The following ANO4 variants were observed in gnomAD, a reference collection of about 807,000 sequenced individuals.
ANO4 encodes the protein anoctamin 4, also known as anoctamin-4.
Under a neutral mutation model 141.9 loss-of-function variants are expected in ANO4, and 69 were observed. The observed-to-expected ratio is 0.49, with a 90% CI of 0.40 to 0.59. The LOEUF (loss-of-function observed/expected upper bound fraction) is 0.59, where lower values mean the gene tolerates loss of function less well. Among genes scored for constraint, ANO4 ranks in the 20% least tolerant of loss-of-function variants. ANO4 has a pLI of 0.00. For synonymous variants in ANO4, 350 were observed against 394.3 expected, an observed-to-expected ratio of 0.89 and a Z score of 1.33; for missense variants, 894 against 1,162.2, an observed-to-expected ratio of 0.77 and a Z score of 3.36.
intron 8 of ANO4, among the ~76,000 whole-genome samples, chr12:100,988,544 TA>T (rs72390438): frequency 0.034 from 4,492 of 133,482 alleles, 166 homozygotes; most frequent in African/African-American, 0.1. Context: ...GTGATGGATT[TA>T]AAAAAAAAAA....
intron 9 of ANO4, among the ~76,000 whole-genome samples, chr12:101,021,321 G>A (rs781071531): frequency 5.3e-5 from 8 of 152,164 alleles, no homozygotes; most frequent in Non-Finnish European, 8.8e-5. Context: ...CAGCCACCAC[G>A]CACTGCAGGA....
At chr12:100,894,438 C>A (rs2040243610) in intron 1 of ANO4, among the ~76,000 whole-genome samples, 1 of 151,992 alleles carries the variant, frequency 6.6e-6, no homozygotes, top group Non-Finnish European at 1.5e-5. Context: ...AGAAATGCAC[C>A]TACTTTCAGT....
At chr12:101,011,094 C>T (rs1013681584) in intron 8 of ANO4, among the ~76,000 whole-genome samples, 6 of 152,102 alleles carry the variant, frequency 3.9e-5, no homozygotes, top group African/African-American at 9.7e-5. Context: ...CAAAGAGGCT[C>T]GTTTGGGCTT....
chr12:100,767,999 A>G (rs1430110426), intron 3 of ANO4, among the ~76,000 whole-genome samples: 2 of 151,280 alleles, frequency 1.3e-5, no homozygotes, highest in East Asian at 3.9e-4. Context: ...TTCATCAGTC[A>G]GCCTGTCTCT....
intron 13 of ANO4, among the ~76,000 whole-genome samples, chr12:101,045,773 G>T (rs12296227): frequency 0.29 from 43,346 of 152,074 alleles, 6,578 homozygotes; most frequent in East Asian, 0.52. Flanking sequence ...GACCCCGGTG[G>T]CCCTGCCCAC....
Position 100,974,901 on chromosome 12 carries a change from G to A in ANO4, c.602+12G>A, listed in dbSNP as rs572208504. The A allele has an allele frequency of 4.7e-5, 76 of 1,613,710 alleles. No homozygotes were observed. In the East Asian group the frequency reaches 1.2e-3, roughly 27 times the overall value. ...AAGTTCATGAGCAGGTTAGTAGCAC[G>A]CTCTGTCCTGACAGTGTTTGTCTTT... On this transcript the variant is annotated intron_variant, in intron 7 of 27. Transcript: ENST00000392977.
At chr12:101,094,610 T>C (rs1206802213) in intron 18 of ANO4, among the ~76,000 whole-genome samples, 2 of 152,190 alleles carry the variant, frequency 1.3e-5, no homozygotes, top group African/African-American at 4.8e-5. Flanking sequence ...AAGTGTTCAT[T>C]TGCTATTGCC....
intron 22 of ANO4, among the ~76,000 whole-genome samples, chr12:101,107,272 C>T (rs1271579381): frequency 1.3e-5 from 2 of 152,114 alleles, no homozygotes; most frequent in Non-Finnish European, 2.9e-5. Flanking sequence ...TTATTTGGTA[C>T]CTGACAAGTC....
chr12:101,045,401 T>G (rs1196681678), intron 13 of ANO4, among the ~76,000 whole-genome samples: 3 of 152,204 alleles, frequency 2.0e-5, no homozygotes, highest in African/African-American at 7.2e-5. Flanking sequence ...GATTCTGAAT[T>G]TAACATTTGG....
chr12:100,754,196 A>C (rs901347918), intron 3 of ANO4, among the ~76,000 whole-genome samples: 3 of 152,222 alleles, frequency 2.0e-5, no homozygotes, highest in Non-Finnish European at 4.4e-5. Context: ...CATAACTCAC[A>C]ATGTAATGTG....
intron 1 of ANO4, among the ~76,000 whole-genome samples, chr12:100,830,316 G>A (rs1451336961): frequency 1.3e-5 from 2 of 152,048 alleles, no homozygotes; most frequent in African/African-American, 2.4e-5. Context: ...CTAAATGGCA[G>A]CAGTAAGAGG....
intron 1 of ANO4, among the ~76,000 whole-genome samples, chr12:100,891,530 T>C (rs995282897): frequency 2.6e-5 from 4 of 152,182 alleles, no homozygotes; most frequent in African/African-American, 9.7e-5. Context: ...AGATGTGGAG[T>C]GGTATCTCGT....
At chr12:101,093,826 T>TA (rs2049874325) in intron 17 of ANO4, among the ~76,000 whole-genome samples, 1 of 152,126 alleles carries the variant, frequency 6.6e-6, no homozygotes, top group South Asian at 2.1e-4. Flanking sequence ...TGCTGTAATC[T>TA]AGAGTTTACA....
intron 1 of ANO4, among the ~76,000 whole-genome samples, chr12:100,730,808 A>G (rs2031351699): frequency 6.6e-6 from 1 of 151,988 alleles, no homozygotes; most frequent in South Asian, 2.1e-4. Flanking sequence ...CACTTGCTAG[A>G]ATTAGTTTTC....
intron 27 of ANO4, 84 bp downstream of exon 27, chr12:101,127,158 G>A (rs1396514311): frequency 1.4e-5 from 18 of 1,316,148 alleles, no homozygotes; most frequent in Non-Finnish European, 1.9e-5. Context: ...GCTTACCATT[G>A]TTGCAGTAAC....
intron 14 of ANO4, among the ~76,000 whole-genome samples, chr12:101,076,968 C>T (rs1347406931): frequency 6.6e-6 from 1 of 152,166 alleles, no homozygotes; most frequent in Non-Finnish European, 1.5e-5. Context: ...GAAAGGCCTG[C>T]TTGCAAGGGT....
chr12:100,748,370 CAT>C (rs982395887), intron 3 of ANO4, among the ~76,000 whole-genome samples: 11 of 152,196 alleles, frequency 7.2e-5, no homozygotes, highest in Non-Finnish European at 1.6e-4. Flanking sequence ...CCAGGAGACT[CAT>C]GTGCTCCCTT....
chr12:100,992,570 T>A (rs1298108075), intron 8 of ANO4, among the ~76,000 whole-genome samples: 1 of 152,192 alleles, frequency 6.6e-6, no homozygotes, highest in Non-Finnish European at 1.5e-5. Flanking sequence ...AAAGATTGGG[T>A]CTCTGTTCTA....
intron 7 of ANO4, among the ~76,000 whole-genome samples, chr12:100,982,485 G>A (rs553296675): frequency 1.3e-5 from 2 of 152,250 alleles, no homozygotes; most frequent in Admixed American, 6.5e-5. Context: ...AATCTACTAG[G>A]GAGATTCACA....
Sources: gnomAD v4.1 joint callset for allele counts (sites outside exome capture counted in the v4.1 genomes callset) on GRCh38, gnomAD v4.1.1 for gene constraint, MANE v1.5 for transcripts, NCBI Gene and HGNC (gene_info 2026-07-23, HGNC 2026-07-21) for gene names.